Variants in DPP6 observed in about 807,000 individuals in gnomAD.
The protein encoded by DPP6 is dipeptidyl peptidase like 6, also known as A-type potassium channel modulatory protein DPP6.
DPP6 carries 69 observed loss-of-function variants against 122.6 expected under a neutral mutation model. The observed-to-expected ratio is 0.56, with a 90% CI of 0.46 to 0.69. The LOEUF (loss-of-function observed/expected upper bound fraction) is 0.69, where lower values mean the gene tolerates loss of function less well. Among genes scored for constraint, DPP6 ranks in the 30% least tolerant of loss-of-function variants. The probability of loss-of-function intolerance (pLI) is 0.00; values close to 1 mark genes in which losing one functional copy is unlikely to be tolerated. For missense variants in DPP6, 928 were observed against 1,116.9 expected, an observed-to-expected ratio of 0.83 and a Z score of 2.41; for synonymous variants, 418 against 433.1, an observed-to-expected ratio of 0.97 and a Z score of 0.43.
chr7:154,797,268 G>T (rs1798101859), intron 12 of DPP6, among the ~76,000 whole-genome samples: 1 of 152,090 alleles, frequency 6.6e-6, no homozygotes, highest in South Asian at 2.1e-4. Context: ...CACACATTGT[G>T]GTGTGTGTCA....
At chr7:154,510,656 G>A (rs1451291256) in intron 3 of DPP6, among the ~76,000 whole-genome samples, 2 of 150,844 alleles carry the variant, frequency 1.3e-5, no homozygotes, top group African/African-American at 2.4e-5. Flanking sequence ...CTGAGATCAC[G>A]CCATTGCACT....
intron 1 of DPP6, among the ~76,000 whole-genome samples, chr7:153,979,448 T>G (rs930036468): frequency 8.5e-5 from 13 of 152,274 alleles, no homozygotes; most frequent in African/African-American, 3.1e-4. Context: ...GTTTTTGGGC[T>G]GAGGCAATGG....
At chr7:154,605,533 C>CAT (rs2130786560) in intron 5 of DPP6, among the ~76,000 whole-genome samples, 1 of 120,266 alleles carries the variant, frequency 8.3e-6, no homozygotes, top group African/African-American at 2.6e-5. Context: ...TGTATATTTT[C>CAT]ATATTATATT....
chr7:154,438,300 G>T (rs142910617), intron 1 of DPP6, among the ~76,000 whole-genome samples: 2,418 of 151,306 alleles, frequency 0.016, 22 homozygotes, highest in Non-Finnish European at 0.025. Context: ...ACCCCGTCTC[G>T]ACTAAAAAAA....
intron 7 of DPP6, among the ~76,000 whole-genome samples, chr7:154,670,079 C>T (rs768288978): frequency 2.5e-4 from 38 of 152,120 alleles, no homozygotes; most frequent in Admixed American, 7.9e-4. Flanking sequence ...AGGCTGGTCT[C>T]AAACTCCTGA....
the DPP6 span, among the ~76,000 whole-genome samples, chr7:153,844,679 G>T: frequency 6.6e-6 from 1 of 152,102 alleles, no homozygotes; most frequent in Admixed American, 6.5e-5. Flanking sequence ...TCATCCGGTG[G>T]GACATCGTTT....
At chr7:154,513,504 C>T (rs909949782) in intron 3 of DPP6, among the ~76,000 whole-genome samples, 3 of 152,254 alleles carry the variant, frequency 2.0e-5, no homozygotes, top group Middle Eastern at 3.4e-3. Context: ...ATAACAATCT[C>T]GCACCCTACA....
chr7:154,244,938 A>G (rs1027973085), intron 1 of DPP6, among the ~76,000 whole-genome samples: 4 of 149,896 alleles, frequency 2.7e-5, no homozygotes, highest in African/African-American at 4.9e-5. Context: ...ACATAACTGT[A>G]TATCTAAAGG....
Position 154,403,326 on chromosome 7 carries a change from G to C in DPP6, c.244-42888G>C, listed in dbSNP as rs373371657. 8.5e-5 allele frequency among the ~76,000 whole-genome samples: 13 copies of C among 152,332 alleles called. No individual in the cohort carries two copies. Among genetic ancestry groups the C allele is most frequent in the African/African-American group, 2.9e-4 (12 of 41,586 alleles). Reference sequence around the variant, plus strand: ...GGGAATCAGGACACCGCCCACCGCTGTCCAAATGCCAAGTGGCGATTCAGG... The same window carrying C: ...GGGAATCAGGACACCGCCCACCGCTCTCCAAATGCCAAGTGGCGATTCAGG... On this transcript the variant is annotated intron_variant, in intron 1 of 25. Transcript: ENST00000377770. This position sits in a 1 kb window ranked among gnomAD's most constrained non-coding sequence, Gnocchi z 4.1.
chr7:154,284,853 TCAAAACAAAA>T (rs545105397), intron 1 of DPP6, among the ~76,000 whole-genome samples: 3 of 152,230 alleles, frequency 2.0e-5, no homozygotes, highest in East Asian at 3.9e-4. Context: ...AGACTTCATC[TCAAAACAAAA>T]CAAAACAAAA....
chr7:154,310,856 G>A (rs1806812946), intron 1 of DPP6, among the ~76,000 whole-genome samples: 1 of 152,164 alleles, frequency 6.6e-6, no homozygotes, highest in Non-Finnish European at 1.5e-5. Context: ...GGGAATTGTA[G>A]CGTTATTATC....
At chr7:153,825,989 T>C in the DPP6 span, among the ~76,000 whole-genome samples, 1 of 152,222 alleles carries the variant, frequency 6.6e-6, no homozygotes, top group Non-Finnish European at 1.5e-5. Context: ...TATGTGTAAA[T>C]TGTTAAGCAT....
intron 4 of DPP6, among the ~76,000 whole-genome samples, chr7:154,542,993 C>T (rs569532670): frequency 6.6e-5 from 10 of 152,290 alleles, no homozygotes; most frequent in Non-Finnish European, 1.2e-4. Flanking sequence ...TGTGTGTTTT[C>T]ATGAGCAAGT....
At chr7:154,207,898 T>C (rs975631643) in intron 1 of DPP6, among the ~76,000 whole-genome samples, 2 of 150,876 alleles carry the variant, frequency 1.3e-5, no homozygotes, top group African/African-American at 2.4e-5. Context: ...GAGGTTGCAG[T>C]GGGCCACGAT....
intron 10 of DPP6, among the ~76,000 whole-genome samples, chr7:154,778,884 A>G (rs570155144): frequency 1.3e-5 from 2 of 148,842 alleles, no homozygotes; most frequent in East Asian, 4.1e-4. Context: ...TTCCAACACT[A>G]CAACCTTCAC....
chr7:154,401,720 T>A (rs1193077250), intron 1 of DPP6, among the ~76,000 whole-genome samples: 15 of 152,114 alleles, frequency 9.9e-5, no homozygotes, highest in Non-Finnish European at 1.9e-4. Flanking sequence ...CCAAAAGCAA[T>A]GGCAACCAAA....
intron 21 of DPP6, among the ~76,000 whole-genome samples, chr7:154,883,310 A>G (rs1223493205): frequency 1.4e-5 from 2 of 147,064 alleles, no homozygotes; most frequent in Non-Finnish European, 3.0e-5. Flanking sequence ...TCACCCATAC[A>G]CCTGCTCACA....
In DPP6 at chr7:154,484,653, T is replaced by TATGGTGATAGACC. The variant is rs774894805; in HGVS notation, c.457+9620_457+9632dup. ...GCAGCATGTTCAACTTTAGTCTGAATATGGTGATAGACCATGTGGCTGGCA... is the reference window on the plus strand; with the variant it reads ...GCAGCATGTTCAACTTTAGTCTGAATATGGTGATAGACCATGGTGATAGACCATGTGGCTGGCA... On this transcript the variant is annotated intron_variant, in intron 3 of 25. Transcript: ENST00000377770. 1.3e-3 allele frequency among the ~76,000 whole-genome samples: 192 copies of TATGGTGATAGACC among 152,352 alleles called. 2 individuals carry two copies. The highest frequency in any genetic ancestry group is 1.9e-3 in the Non-Finnish European group (129 of 68,036).
chr7:153,872,616 A>G, the DPP6 span, among the ~76,000 whole-genome samples: 2 of 152,220 alleles, frequency 1.3e-5, no homozygotes, highest in Non-Finnish European at 2.9e-5. Context: ...ATCCATGTAT[A>G]TAAGTATTTT....
Sources: gnomAD v4.1 joint callset for allele counts (sites outside exome capture counted in the v4.1 genomes callset) on GRCh38, gnomAD v4.1.1 for gene constraint, Gnocchi (gnomAD v3.1) non-coding constraint, MANE v1.5 for transcripts, NCBI Gene and HGNC (gene_info 2026-07-23, HGNC 2026-07-21) for gene names.